The following MCTP2 variants were observed in gnomAD, a reference collection of about 807,000 sequenced individuals.
MCTP2 encodes the protein multiple C2 and transmembrane domain-containing protein 2.
A neutral mutation model predicts 111.6 loss-of-function variants in MCTP2; 132 were observed. That is an observed-to-expected ratio of 1.18 (90% CI 1.03 to 1.37). MCTP2 has a LOEUF of 1.37. Among genes scored for constraint, MCTP2 ranks in the 40% most tolerant of loss-of-function variants. The pLI is 0.00. For missense variants in MCTP2, 1,183 were observed against 1,067.9 expected (o/e 1.11, Z -1.50); for synonymous variants, 395 against 387.7 (o/e 1.02, Z -0.22).
intron 1 of MCTP2, 43 bp from the exon 2 acceptor site, chr15:94,298,158 T>G (rs1416474077): frequency 7.0e-6 from 6 of 861,312 alleles, no homozygotes; most frequent in Non-Finnish European, 1.0e-5. Context: ...CATGTTTTTT[T>G]TTTTTGTTTG....
At chr15:94,319,380 C>G (rs749659520) in intron 4 of MCTP2, among the ~76,000 whole-genome samples, 1 of 152,288 alleles carries the variant, frequency 6.6e-6, no homozygotes, top group Non-Finnish European at 1.5e-5. Context: ...GAAGTTTTAT[C>G]TAACACAATC....
intron 10 of MCTP2, among the ~76,000 whole-genome samples, chr15:94,359,237 T>A (rs756780927): frequency 6.6e-6 from 1 of 152,170 alleles, no homozygotes; most frequent in Non-Finnish European, 1.5e-5. Context: ...GCACAGATCA[T>A]CTCTGAGCTT....
intron 12 of MCTP2, among the ~76,000 whole-genome samples, chr15:94,382,649 G>T (rs542862733): frequency 2.0e-5 from 3 of 152,360 alleles, no homozygotes; most frequent in Admixed American, 6.5e-5. Context: ...GTTATTAAGC[G>T]AATTAGATGG....
At chr15:94,432,906 T>A (rs1037410423) in intron 17 of MCTP2, among the ~76,000 whole-genome samples, 1 of 152,194 alleles carries the variant, frequency 6.6e-6, no homozygotes, top group African/African-American at 2.4e-5. Flanking sequence ...TTAACTACTT[T>A]TTAGTAGAGG....
At chr15:94,304,753 A>G (rs1399299810) in intron 2 of MCTP2, among the ~76,000 whole-genome samples, 1 of 152,064 alleles carries the variant, frequency 6.6e-6, no homozygotes, top group Non-Finnish European at 1.5e-5. Flanking sequence ...CTGAGCCACA[A>G]ATTAGAACTT....
At chr15:94,442,982 C>G in intron 19 of MCTP2, 22 bp downstream of exon 19, 2 of 1,601,846 alleles carry the variant, frequency 1.2e-6, no homozygotes, top group Non-Finnish European at 8.5e-7. Flanking sequence ...CAAGAAAGAA[C>G]ACACACAAAA....
intron 20 of MCTP2, among the ~76,000 whole-genome samples, chr15:94,468,677 C>T (rs1009161958): frequency 7.9e-5 from 12 of 152,132 alleles, no homozygotes; most frequent in Non-Finnish European, 1.3e-4. Context: ...CTCTGTTGCC[C>T]AGGCTGGAGT....
At chr15:94,335,108 T>A (rs912281047) in intron 4 of MCTP2, among the ~76,000 whole-genome samples, 1 of 152,200 alleles carries the variant, frequency 6.6e-6, no homozygotes, top group African/African-American at 2.4e-5. Flanking sequence ...TTTTCTCAAC[T>A]ACCAGGTTTC....
At chr15:94,248,817 G>A (rs1375386593) in intron 1 of MCTP2, among the ~76,000 whole-genome samples, 2 of 152,186 alleles carry the variant, frequency 1.3e-5, no homozygotes, top group Admixed American at 6.5e-5. Flanking sequence ...TGCTCAGTCC[G>A]TGGAAACTTA....
At chr15:94,448,346 A>C (rs1157002913) in intron 19 of MCTP2, among the ~76,000 whole-genome samples, 1 of 152,208 alleles carries the variant, frequency 6.6e-6, no homozygotes, top group Non-Finnish European at 1.5e-5. Flanking sequence ...ATTCTCAAAT[A>C]TTATGAAATG....
rs2074652541 is a variant in MCTP2, at chr15:94,480,144, CCA to C, written c.*1111_*1112del. 1 of 152,094 alleles carries C rather than the reference CCA, an allele frequency of 6.6e-6. No individual in the cohort carries two copies. The highest frequency in any genetic ancestry group is 1.5e-5 in the Non-Finnish European group (1 of 68,022). 9.4% of individuals were successfully genotyped at this position (152,094 alleles called of 1,614,324 possible). On this transcript the variant is annotated 3_prime_UTR_variant, in exon 23 of 23. Transcript: ENST00000357742. Reference sequence around the variant, plus strand: ...CTCATCATTCCACAGTATTTCCCTGCCATGTAAAAATCCTGACTTTGTGCGTA... The same window carrying C: ...CTCATCATTCCACAGTATTTCCCTGCTGTAAAAATCCTGACTTTGTGCGTA...
chr15:94,360,738 C>G (rs901294521), intron 10 of MCTP2, among the ~76,000 whole-genome samples: 2 of 151,260 alleles, frequency 1.3e-5, no homozygotes, highest in Admixed American at 6.6e-5. Context: ...CTCTTGTAAT[C>G]CATGTTTTGT....
At chr15:94,463,278 C>T (rs983469337) in intron 20 of MCTP2, among the ~76,000 whole-genome samples, 1 of 151,962 alleles carries the variant, frequency 6.6e-6, no homozygotes, top group Non-Finnish European at 1.5e-5. Context: ...TTTAATTTAT[C>T]TCATTATTAT....
intron 17 of MCTP2, among the ~76,000 whole-genome samples, chr15:94,435,075 G>A (rs187717681): frequency 5.6e-4 from 85 of 152,164 alleles, no homozygotes; most frequent in African/African-American, 1.9e-3. Context: ...TGTTGGCCAA[G>A]GCTGGTCCCA....
chr15:94,366,237 C>CT (rs1192606280), intron 10 of MCTP2, among the ~76,000 whole-genome samples: 6 of 152,062 alleles, frequency 3.9e-5, no homozygotes, highest in Non-Finnish European at 7.4e-5. Flanking sequence ...TTTAAAAATA[C>CT]TTTTTTTGTA....
At position 94,430,607 on chromosome 15, in the gene MCTP2, G is replaced by A. The variant is rs536069779; in HGVS notation, c.2086-9569G>A. Among the ~76,000 whole-genome samples the A allele has an allele frequency of 9.4e-5, 14 of 148,766 alleles. No individual in the cohort carries two copies. The South Asian group carries it at 3.0e-3, about 31-fold the overall frequency. ...AAAAAAAAAAAAAAAAATTAGCTGG[G>A]CGTCGTGGTGGGCGCCTGTAATCGC... is the stretch of plus-strand genomic sequence containing the variant. On this transcript the variant is annotated intron_variant, in intron 17 of 22. Transcript: ENST00000357742.
rs115947454 is a variant in MCTP2, at chr15:94,329,888, G to A, written c.638-9402G>A. On this transcript the variant is annotated intron_variant, in intron 4 of 22. Transcript: ENST00000357742. ...CCTTCCATTAACTAGAGTCCTCATC[G>A]TATGGTAGGTCTCCAGACTCACTCA... 8.5e-3 allele frequency among the ~76,000 whole-genome samples: 1,286 copies of A among 152,152 alleles called. 16 individuals are homozygous for A. The highest frequency in any genetic ancestry group is 0.028 in the African/African-American group (1,152 of 41,502).
chr15:94,236,109 A>G (rs2070521905), intron 1 of MCTP2, among the ~76,000 whole-genome samples: 1 of 152,130 alleles, frequency 6.6e-6, no homozygotes, highest in South Asian at 2.1e-4. Context: ...AAGGGCTCCT[A>G]TGGATTACCC....
At chr15:94,349,895 A>T (rs2078210928) in intron 8 of MCTP2, among the ~76,000 whole-genome samples, 1 of 151,946 alleles carries the variant, frequency 6.6e-6, no homozygotes, top group African/African-American at 2.4e-5. Context: ...ACATTTCAGG[A>T]TAAAATAATG....
Sources: gnomAD v4.1 joint callset for allele counts (sites outside exome capture counted in the v4.1 genomes callset) on GRCh38, gnomAD v4.1.1 for gene constraint, MANE v1.5 for transcripts, NCBI Gene and HGNC (gene_info 2026-07-23, HGNC 2026-07-21) for gene names.